SAMMSON: variants seen among roughly 807,000 people sequenced by gnomAD.
SAMMSON encodes long intergenic non-protein coding RNA 1212.
chr3:70,086,496 T>TG (rs2067286076), intron 4 of SAMMSON, among the ~76,000 whole-genome samples: 1 of 152,240 alleles, frequency 6.6e-6, no homozygotes, highest in Admixed American at 6.5e-5. Context: ...CTGGGTTGTC[T>TG]GGTAAAGCTT....
At chr3:70,089,101 C>T (rs988243586) in intron 4 of SAMMSON, among the ~76,000 whole-genome samples, 13 of 152,012 alleles carry the variant, frequency 8.6e-5, no homozygotes, top group Non-Finnish European at 1.3e-4. Flanking sequence ...TAAAAGAGGA[C>T]GCTTGAAAAA....
intron 3 of SAMMSON, among the ~76,000 whole-genome samples, chr3:70,038,848 G>A (rs1355883755): frequency 2.6e-5 from 4 of 152,098 alleles, no homozygotes; most frequent in African/African-American, 9.7e-5. Flanking sequence ...CATAATAGGA[G>A]ATCATCTTGG....
At chr3:70,169,084 AAAG>A (rs1461728391) in intron 4 of SAMMSON, among the ~76,000 whole-genome samples, 1 of 152,008 alleles carries the variant, frequency 6.6e-6, no homozygotes, top group Admixed American at 6.6e-5. Flanking sequence ...TAAAATATAA[AAAG>A]AAAGTTTCTA....
intron 2 of SAMMSON, among the ~76,000 whole-genome samples, chr3:70,395,612 T>C (rs1475360484): frequency 6.6e-6 from 1 of 152,142 alleles, no homozygotes; most frequent in Non-Finnish European, 1.5e-5. Context: ...TGAGGGCTTG[T>C]TGTAAACTTT....
At chr3:70,256,629 G>A (rs1315848328) in intron 6 of SAMMSON, among the ~76,000 whole-genome samples, 4 of 152,124 alleles carry the variant, frequency 2.6e-5, no homozygotes, top group African/African-American at 7.2e-5. Flanking sequence ...GTAAATAATG[G>A]GAAAGGAAAT....
intron 4 of SAMMSON, among the ~76,000 whole-genome samples, chr3:70,153,377 T>C (rs1173915702): frequency 6.6e-6 from 1 of 152,022 alleles, no homozygotes; most frequent in Non-Finnish European, 1.5e-5. Flanking sequence ...CAGGATTTTC[T>C]GTTTGGGGGA....
chr3:70,208,401 AG>A (rs778925121), intron 4 of SAMMSON, among the ~76,000 whole-genome samples: 74 of 152,010 alleles, frequency 4.9e-4, no homozygotes, highest in Non-Finnish European at 8.8e-4. Flanking sequence ...GTTGTTTCTT[AG>A]TTTAGGGCCA....
chr3:70,242,707 G>A (rs1701674743), intron 4 of SAMMSON, among the ~76,000 whole-genome samples: 1 of 152,150 alleles, frequency 6.6e-6, no homozygotes, highest in African/African-American at 2.4e-5. Context: ...CTTGTCTGGT[G>A]GAATTACAGT....
rs115219627 is a variant in SAMMSON, at chr3:70,121,503, C to T, written n.507+49938C>T. Among the ~76,000 whole-genome samples, 1,068 of 152,186 alleles carry T rather than the reference C, an allele frequency of 7.0e-3. 10 individuals carry two copies. The highest frequency in any genetic ancestry group is 0.011 in the Non-Finnish European group (759 of 67,996). On this transcript the variant is annotated intron_variant and non_coding_transcript_variant, in intron 4 of 9. Transcript: ENST00000642114. The stretch of plus-strand genomic sequence containing the variant: ...ACACATTTACTTTAAAGAATTTTTA[C>T]ATTTGATCTTTTAACAAAGCATCAG...
chr3:70,399,734 G>T (rs1575641441), intron 2 of SAMMSON, among the ~76,000 whole-genome samples: 1 of 151,800 alleles, frequency 6.6e-6, no homozygotes, highest in African/African-American at 2.4e-5. Context: ...GCTGGATGTG[G>T]TGGTGTGTGC....
chr3:70,226,470 G>A (rs1575601512), intron 4 of SAMMSON, among the ~76,000 whole-genome samples: 1 of 152,298 alleles, frequency 6.6e-6, no homozygotes, highest in Admixed American at 6.5e-5. Context: ...GGGCGCAGTG[G>A]CTCACGCCTG....
At chr3:70,157,027 G>T (rs1353278263) in intron 4 of SAMMSON, among the ~76,000 whole-genome samples, 1 of 151,942 alleles carries the variant, frequency 6.6e-6, no homozygotes, top group Non-Finnish European at 1.5e-5. Context: ...TACTAGTCTT[G>T]GATTCTTAAC....
chr3:70,395,281 A>G (rs892923794), intron 2 of SAMMSON, among the ~76,000 whole-genome samples: 2 of 149,662 alleles, frequency 1.3e-5, no homozygotes, highest in African/African-American at 4.9e-5. Context: ...AGGAATAAGA[A>G]CCCACTCACT....
chr3:70,304,902 A>G (rs1255274397), intron 7 of SAMMSON, among the ~76,000 whole-genome samples: 3 of 151,740 alleles, frequency 2.0e-5, no homozygotes, highest in African/African-American at 7.3e-5. Context: ...CTTTTTCGTC[A>G]TTCCCTTTTC....
intron 4 of SAMMSON, among the ~76,000 whole-genome samples, chr3:70,181,946 G>A (rs1467903103): frequency 2.0e-5 from 3 of 152,118 alleles, no homozygotes; most frequent in Non-Finnish European, 4.4e-5. Context: ...TCAGGAAAGA[G>A]ATTTCAGAAA....
intron 2 of SAMMSON, among the ~76,000 whole-genome samples, chr3:70,414,076 A>G (rs1305982977): frequency 6.6e-6 from 1 of 152,116 alleles, no homozygotes; most frequent in African/African-American, 2.4e-5. Flanking sequence ...CCTGTCCTAC[A>G]TTTATCTTAG....
intron 4 of SAMMSON, among the ~76,000 whole-genome samples, chr3:70,248,534 A>G (rs1701730220): frequency 6.6e-6 from 1 of 152,050 alleles, no homozygotes; most frequent in Non-Finnish European, 1.5e-5. Context: ...AACAAAGGAG[A>G]ATTTAAAACA....
intron 7 of SAMMSON, among the ~76,000 whole-genome samples, chr3:70,350,343 A>C (rs986456649): frequency 6.6e-6 from 1 of 152,108 alleles, no homozygotes; most frequent in Non-Finnish European, 1.5e-5. Context: ...ATTATCTTCT[A>C]TTTTGAATAA....
intron 4 of SAMMSON, among the ~76,000 whole-genome samples, chr3:70,154,013 CCTG>C (rs200127124): frequency 0.012 from 1,854 of 151,914 alleles, 14 homozygotes; most frequent in South Asian, 0.025. Flanking sequence ...TTTCATTTAT[CCTG>C]CTATTTTTTT....
Sources: allele counts gnomAD v4.1 joint callset (sites outside exome capture counted in the v4.1 genomes callset), GRCh38; gene constraint gnomAD v4.1.1; transcripts MANE v1.5; gene names NCBI Gene and HGNC (gene_info 2026-07-23, HGNC 2026-07-21).